MDGA2: variants seen among roughly 807,000 people sequenced by gnomAD.
MDGA2 encodes the protein MAM domain-containing glycosylphosphatidylinositol anchor protein 2.
MDGA2 carries 40 observed loss-of-function variants against 117.8 expected under a neutral mutation model. The ratio of observed to expected loss-of-function variants is 0.34; its 90% CI spans 0.26 to 0.44. MDGA2 has a LOEUF of 0.44. MDGA2 is among the 20% of genes least tolerant of loss of function. The pLI, the probability that MDGA2 is intolerant of heterozygous loss-of-function variation, is 1.00. For synonymous variants in MDGA2, 452 were observed against 439.0 expected (o/e 1.03, Z -0.37); for missense variants, 1,123 against 1,250.6 (o/e 0.90, Z 1.54).
chr14:47,184,403 C>A (rs79887555), intron 3 of MDGA2, among the ~76,000 whole-genome samples: 2 of 151,722 alleles, frequency 1.3e-5, no homozygotes, highest in Non-Finnish European at 2.9e-5. Flanking sequence ...TGTAGTTAAC[C>A]GGAAATCAAC....
intron 1 of MDGA2, among the ~76,000 whole-genome samples, chr14:47,385,501 T>C (rs1477717591): frequency 1.3e-5 from 2 of 152,144 alleles, no homozygotes; most frequent in African/African-American, 4.8e-5. Context: ...AATAGGACAT[T>C]GTTTTAAATA....
chr14:47,043,522 A>G (rs1889151075), intron 7 of MDGA2, among the ~76,000 whole-genome samples: 1 of 152,076 alleles, frequency 6.6e-6, no homozygotes, highest in African/African-American at 2.4e-5. Context: ...TAAATGAATT[A>G]CTAAGATCTG....
At chr14:46,951,627 C>A (rs1472159602) in intron 9 of MDGA2, among the ~76,000 whole-genome samples, 1 of 151,810 alleles carries the variant, frequency 6.6e-6, no homozygotes, top group Non-Finnish European at 1.5e-5. Context: ...GTAGCTCCAG[C>A]AAATAACCAG....
chr14:47,463,947 A>G (rs2138597838), intron 1 of MDGA2, among the ~76,000 whole-genome samples: 1 of 152,260 alleles, frequency 6.6e-6, no homozygotes, highest in East Asian at 1.9e-4. Context: ...AGTATAATTA[A>G]TGGCCAAATA....
At chr14:47,384,310 T>C (rs1050584639) in intron 1 of MDGA2, among the ~76,000 whole-genome samples, 3 of 150,462 alleles carry the variant, frequency 2.0e-5, no homozygotes, top group Admixed American at 6.7e-5. Context: ...GGGGATCTAG[T>C]ATCCAGGGGA....
intron 2 of MDGA2, among the ~76,000 whole-genome samples, chr14:47,288,953 A>T (rs552888711): frequency 2.4e-4 from 37 of 152,270 alleles, no homozygotes; most frequent in African/African-American, 8.2e-4. Context: ...AGCGTAATTT[A>T]GAATAAATGT....
At chr14:47,207,187 G>A (rs1165564749) in intron 3 of MDGA2, among the ~76,000 whole-genome samples, 1 of 151,856 alleles carries the variant, frequency 6.6e-6, no homozygotes, top group Non-Finnish European at 1.5e-5. Flanking sequence ...AAAATGTATA[G>A]CTATGAATAT....
intron 3 of MDGA2, among the ~76,000 whole-genome samples, chr14:47,147,124 T>A (rs56978957): frequency 0.29 from 44,268 of 151,612 alleles, 7,135 homozygotes; most frequent in South Asian, 0.5. Flanking sequence ...TATATATGTA[T>A]GTTTGTGTGT....
chr14:47,358,410 G>A (rs1238378780), intron 1 of MDGA2, among the ~76,000 whole-genome samples: 1 of 152,172 alleles, frequency 6.6e-6, no homozygotes, highest in African/African-American at 2.4e-5. Flanking sequence ...CACCTGCCAA[G>A]CAATCAAACC....
intron 3 of MDGA2, among the ~76,000 whole-genome samples, chr14:47,181,505 C>T (rs1010028002): frequency 2.0e-5 from 3 of 152,204 alleles, no homozygotes; most frequent in Non-Finnish European, 2.9e-5. Context: ...AAGCCATCAT[C>T]GTCAGCAAAT....
chr14:47,602,463 A>AC (rs1896665835), intron 1 of MDGA2, among the ~76,000 whole-genome samples: 1 of 146,412 alleles, frequency 6.8e-6, no homozygotes, highest in Admixed American at 6.8e-5. Flanking sequence ...GAAGCTCTTT[A>AC]TTTAAAAAAA....
chr14:47,281,514 T>G (rs1304325533), intron 2 of MDGA2, among the ~76,000 whole-genome samples: 1 of 152,192 alleles, frequency 6.6e-6, no homozygotes, highest in African/African-American at 2.4e-5. Flanking sequence ...TAGTGCTTAG[T>G]GCTTATCAAG....
intron 2 of MDGA2, among the ~76,000 whole-genome samples, chr14:47,286,824 T>TATATATATACACAC (rs1491236673): frequency 9.6e-6 from 1 of 104,250 alleles, no homozygotes; most frequent in Non-Finnish European, 2.1e-5. Flanking sequence ...TATATATATA[T>TATATATATACACAC]ACATATATAT....
chr14:47,575,661 T>G (rs374591433), intron 1 of MDGA2, among the ~76,000 whole-genome samples: 1 of 152,154 alleles, frequency 6.6e-6, no homozygotes, highest in Non-Finnish European at 1.5e-5. Flanking sequence ...AGAAGTAATG[T>G]TTAGGGAACA....
intron 1 of MDGA2, among the ~76,000 whole-genome samples, chr14:47,337,041 T>C (rs1368056132): frequency 6.6e-6 from 1 of 152,026 alleles, no homozygotes; most frequent in East Asian, 1.9e-4. Flanking sequence ...TTGTTACATC[T>C]TGCCAACAAC....
chr14:47,503,566 A>G (rs1465148644), intron 1 of MDGA2, among the ~76,000 whole-genome samples: 2 of 151,480 alleles, frequency 1.3e-5, no homozygotes, highest in East Asian at 3.9e-4. Context: ...CACCACGCCC[A>G]GCTAATTTTT....
chr14:47,502,020 AATAAG>A (rs1894409478), intron 1 of MDGA2, among the ~76,000 whole-genome samples: 1 of 152,192 alleles, frequency 6.6e-6, no homozygotes, highest in Non-Finnish European at 1.5e-5. Flanking sequence ...AAAGAGAAGA[AATAAG>A]ATGAGAGCCT....
intron 8 of MDGA2, among the ~76,000 whole-genome samples, chr14:46,988,779 C>T (rs902596953): frequency 6.6e-6 from 1 of 151,926 alleles, no homozygotes; most frequent in African/African-American, 2.4e-5. Flanking sequence ...ATGATTCTAC[C>T]AGCAGGAATG....
chr14:47,258,915 T>C (rs1887708003), intron 2 of MDGA2, among the ~76,000 whole-genome samples: 2 of 152,052 alleles, frequency 1.3e-5, no homozygotes, highest in Non-Finnish European at 2.9e-5. Context: ...AAAAAGAATA[T>C]ACAGTGCCAT....
Sources: gnomAD v4.1 joint callset for allele counts (sites outside exome capture counted in the v4.1 genomes callset) on GRCh38, gnomAD v4.1.1 for gene constraint, MANE v1.5 for transcripts, NCBI Gene and HGNC (gene_info 2026-07-23, HGNC 2026-07-21) for gene names.